The following CREG2 variants were observed in gnomAD, a reference collection of about 807,000 sequenced individuals.
CREG2 encodes the protein protein CREG2.
CREG2 carries 24 observed loss-of-function variants against 26.2 expected under a neutral mutation model. The observed-to-expected ratio is 0.92, with a 90% CI of 0.66 to 1.29. The LOEUF is 1.29. Among genes scored for constraint, CREG2 ranks in the 50% most tolerant of loss-of-function variants. The pLI, the probability that CREG2 is intolerant of heterozygous loss-of-function variation, is 0.00. For synonymous variants in CREG2, 174 were observed against 169.2 expected (o/e 1.03, Z -0.22); for missense variants, 366 against 398.6 (o/e 0.92, Z 0.70).
chr2:101,349,960 T>C lies in CREG2; in HGVS notation c.*963A>G, dbSNP rs1684353656. ...CCCCTCTGAGTCTAGTTTTCTTGTC[T>C]GTAAGAGCCAATGATGACGTGCATC... On this transcript the variant is annotated 3_prime_UTR_variant, in exon 4 of 4. Transcript: ENST00000324768. 6.6e-6 allele frequency: 1 copy of C among 152,246 alleles called. No homozygotes were observed. Among genetic ancestry groups the C allele is most frequent in the Non-Finnish European group, 1.5e-5 (1 of 68,048 alleles). 9.4% of individuals were successfully genotyped at this position (152,246 alleles called of 1,614,324 possible). A position where few individuals can be genotyped will look rare whatever the true frequency, so the allele number is the denominator to read the frequency against.
chr2:101,363,113 T>A (rs1451714723), intron 2 of CREG2, among the ~76,000 whole-genome samples: 2 of 152,222 alleles, frequency 1.3e-5, no homozygotes, highest in Non-Finnish European at 2.9e-5. Flanking sequence ...GGGCCTATAA[T>A]GGTATGTGAA....
intron 2 of CREG2, among the ~76,000 whole-genome samples, chr2:101,364,104 A>G (rs1213862263): frequency 6.6e-6 from 1 of 152,158 alleles, no homozygotes; most frequent in Non-Finnish European, 1.5e-5. Context: ...ATGTCCTGCA[A>G]TGCATGGGAC....
Position 101,387,474 on chromosome 2 carries a change from C to T in CREG2, c.-17G>A. The T allele has an allele frequency of 9.9e-7, 1 of 1,008,384 alleles. No homozygotes were observed. The highest frequency in any genetic ancestry group is 4.5e-5 in the Admixed American group (1 of 22,354). 62.5% of individuals were successfully genotyped at this position (1,008,384 alleles called of 1,614,324 possible). ...CACGGACATCTTGCAGGCAGCACGC[C>T]CGGCCGCCGGGGCCGCCAGCAGCGC... On this transcript the variant is annotated 5_prime_UTR_variant, in exon 1 of 4. Transcript: ENST00000324768. The surrounding 1 kb of genome is among the most constrained non-coding windows in gnomAD (Gnocchi z 4.7).
intron 3 of CREG2, among the ~76,000 whole-genome samples, chr2:101,351,387 G>A (rs915611914): frequency 6.6e-6 from 1 of 152,222 alleles, no homozygotes; most frequent in Non-Finnish European, 1.5e-5. Flanking sequence ...TACCTGTCAC[G>A]TGGAGTGATG....
intron 2 of CREG2, among the ~76,000 whole-genome samples, chr2:101,360,693 G>T (rs1245079471): frequency 1.3e-5 from 2 of 150,992 alleles, no homozygotes; most frequent in Non-Finnish European, 2.9e-5. Flanking sequence ...AGCAGAGATT[G>T]TACCACTGCA....
chr2:101,378,099 C>G (rs1384651704), intron 2 of CREG2, among the ~76,000 whole-genome samples: 1 of 152,132 alleles, frequency 6.6e-6, no homozygotes, highest in East Asian at 1.9e-4. Context: ...AAGTCAGCAC[C>G]CTGTAATCAA....
chr2:101,363,284 C>T (rs1684570631), intron 2 of CREG2, among the ~76,000 whole-genome samples: 1 of 152,182 alleles, frequency 6.6e-6, no homozygotes, highest in South Asian at 2.1e-4. Flanking sequence ...TTACATGGAC[C>T]TGAGGAGTCA....
intron 2 of CREG2, among the ~76,000 whole-genome samples, chr2:101,362,417 G>T (rs965137092): frequency 6.6e-6 from 1 of 152,136 alleles, no homozygotes; most frequent in African/African-American, 2.4e-5. Context: ...AAGTCCATAT[G>T]AGCTTACTTT....
intron 2 of CREG2, among the ~76,000 whole-genome samples, chr2:101,366,186 G>A: frequency 6.6e-6 from 1 of 152,072 alleles, no homozygotes; most frequent in East Asian, 1.9e-4. Flanking sequence ...GCCTGTAGGT[G>A]GCCACTTCTT....
chr2:101,381,152 T>C (rs1401966963), intron 2 of CREG2, among the ~76,000 whole-genome samples: 1 of 152,182 alleles, frequency 6.6e-6, no homozygotes, highest in East Asian at 1.9e-4. Flanking sequence ...TCTCTGCCTT[T>C]GCTGGAGACC....
intron 2 of CREG2, among the ~76,000 whole-genome samples, chr2:101,363,851 AACACAC>A (rs5832961): frequency 8.8e-4 from 129 of 146,062 alleles, no homozygotes; most frequent in Non-Finnish European, 1.2e-3. Flanking sequence ...CCCTGTCTCA[AACACAC>A]ACACACACAC....
chr2:101,365,089 C>T lies in CREG2; in HGVS notation c.612-9723G>A, dbSNP rs115454868. On this transcript the variant is annotated intron_variant, in intron 2 of 3. Coordinates refer to ENST00000324768, the MANE Select transcript of CREG2 (RefSeq NM_153836.4). Reference sequence around the variant, plus strand: ...GCTGGAGAAGCTGGAGTGTAGGATGCGCCTTCCACACAGTGCTGAAGGCAA... The same window carrying T: ...GCTGGAGAAGCTGGAGTGTAGGATGTGCCTTCCACACAGTGCTGAAGGCAA... Among the ~76,000 whole-genome samples the T allele has an allele frequency of 8.2e-3, 1,254 of 152,228 alleles. 13 individuals are homozygous for T. The highest frequency in any genetic ancestry group is 0.028 in the African/African-American group (1,174 of 41,518).
At chr2:101,359,693 A>C (rs920722109) in intron 2 of CREG2, among the ~76,000 whole-genome samples, 4 of 152,180 alleles carry the variant, frequency 2.6e-5, no homozygotes, top group Non-Finnish European at 4.4e-5. Flanking sequence ...ACAGTAATAA[A>C]AACAGTTGAA....
chr2:101,376,752 G>A (rs1192050008), intron 2 of CREG2, among the ~76,000 whole-genome samples: 2 of 152,154 alleles, frequency 1.3e-5, no homozygotes, highest in Non-Finnish European at 2.9e-5. Flanking sequence ...AGAGAATCCA[G>A]CTTTGTTACC....
In CREG2 at chr2:101,387,120, G is replaced by A. The variant is rs1381504517; in HGVS notation, c.338C>T (p.Thr113Met). ...MFSYRREGGQ[T>M]ASAPPGPRLR... is the part of the protein sequence containing the mutation. Reference sequence around the variant, plus strand: ...TCTAGGGCCCGGGGGCGCACTGGCCGTCTGGCCGCCCTCGCGCCGGTAGGA... The same window carrying A: ...TCTAGGGCCCGGGGGCGCACTGGCCATCTGGCCGCCCTCGCGCCGGTAGGA... Residue 113 changes from threonine (T) to methionine (M), a missense_variant, in exon 1 of 4, where the codon ACG (threonine) becomes ATG (methionine). Thr to Met is a moderately conservative substitution (Grantham distance 81, BLOSUM62 -1). Transcript: ENST00000324768. This position sits in a 1 kb window ranked among gnomAD's most constrained non-coding sequence, Gnocchi z 4.7. 1.2e-5 allele frequency: 15 copies of A among 1,244,328 alleles called. No homozygotes were observed. The highest frequency in any genetic ancestry group is 1.5e-5 in the Non-Finnish European group (15 of 995,422). 77.1% of individuals were successfully genotyped at this position (1,244,328 alleles called of 1,614,324 possible).
At chr2:101,364,138 A>G (rs1684586589) in intron 2 of CREG2, among the ~76,000 whole-genome samples, 1 of 152,116 alleles carries the variant, frequency 6.6e-6, no homozygotes, top group African/African-American at 2.4e-5. Flanking sequence ...GAACTGTCCT[A>G]CCCCAAATGC....
chr2:101,366,779 G>A (rs1027724554), intron 2 of CREG2, among the ~76,000 whole-genome samples: 19 of 152,054 alleles, frequency 1.2e-4, no homozygotes, highest in Middle Eastern at 3.2e-3. Context: ...CCGAGATCGC[G>A]CCACTGCATT....
chr2:101,387,126 C>A lies in CREG2; in HGVS notation c.332G>T (p.Gly111Val), dbSNP rs1434646384. ...PGMFSYRREGGQTASAPPGPR... is the reference protein window; with the variant it reads ...PGMFSYRREGVQTASAPPGPR... ...GCCCGGGGGCGCACTGGCCGTCTGG[C>A]CGCCCTCGCGCCGGTAGGAGAACAT... The change falls in exon 1 of 4, where the codon GGC becomes GTC. Residue 111 changes from glycine to valine, a missense_variant. Physicochemically the swap from Gly to Val is moderately radical, Grantham distance 109. Around this residue, in one of 3 missense-constraint regions of CREG2, gnomAD observed 177 missense variants for 183.3 expected, o/e 0.97. Coordinates refer to ENST00000324768, the MANE Select transcript of CREG2 (RefSeq NM_153836.4). This position sits in a 1 kb window ranked among gnomAD's most constrained non-coding sequence, Gnocchi z 4.7. The A allele has an allele frequency of 8.0e-7, 1 of 1,245,624 alleles. No homozygotes were observed. The highest frequency in any genetic ancestry group is 1.0e-6 in the Non-Finnish European group (1 of 995,996). 77.2% of individuals were successfully genotyped at this position (1,245,624 alleles called of 1,614,324 possible).
rs1684321586 is a variant in CREG2 at position 101,347,244 on chromosome 2, C to T, written c.*3679G>A. The T allele has an allele frequency of 6.6e-6, 1 of 152,182 alleles. No homozygotes were observed. The highest frequency in any genetic ancestry group is 1.5e-5 in the Non-Finnish European group (1 of 68,020). The allele number at this position is 152,182 out of a possible 1,614,324, so 9.4% of individuals were successfully genotyped here. On this transcript the variant is annotated 3_prime_UTR_variant, in exon 4 of 4. Transcript: ENST00000324768. ...CCCGTTAAAGGCCATCTGATTTCTC[C>T]AAGTTTTTGAACATTATGGATAAAA...
Sources: gnomAD v4.1 joint callset for allele counts (sites outside exome capture counted in the v4.1 genomes callset) on GRCh38, gnomAD v4.1.1 for gene constraint, gnomAD v4.1.1 regional missense constraint, Gnocchi (gnomAD v3.1) non-coding constraint, MANE v1.5 for transcripts, NCBI Gene and HGNC (gene_info 2026-07-23, HGNC 2026-07-21) for gene names.